The following PTCHD1 variants were observed in gnomAD, a reference collection of about 807,000 sequenced individuals.
The protein encoded by PTCHD1 is patched domain-containing protein 1.
PTCHD1 carries 3 observed loss-of-function variants against 34.6 expected under a neutral mutation model. The observed-to-expected ratio is 0.09, with a 90% CI of 0.04 to 0.22. The LOEUF is 0.22. Among genes scored for constraint, PTCHD1 ranks in the 10% least tolerant of loss-of-function variants. PTCHD1 has a pLI of 1.00. For synonymous variants in PTCHD1, 305 were observed against 283.1 expected, an observed-to-expected ratio of 1.08 and a Z score of -0.77; for missense variants, 504 against 685.5, an observed-to-expected ratio of 0.74 and a Z score of 2.96.
At chrX:23,347,251 G>C (rs1160799681) in intron 1 of PTCHD1, among the ~76,000 whole-genome samples, 1 of 112,194 alleles carries the variant, frequency 8.9e-6, no homozygotes, top group Admixed American at 9.4e-5. Flanking sequence ...AGAAATACTT[G>C]TGAAGGTCAC....
At chrX:23,391,626 A>G (rs1922830007) in intron 2 of PTCHD1, among the ~76,000 whole-genome samples, 1 of 111,169 alleles carries the variant, frequency 9.0e-6, no homozygotes, top group Admixed American at 9.6e-5. Context: ...CTTTATCACT[A>G]AAACCCTCTA....
chrX:23,342,300 ATATATATATATT>A (rs1921350617), intron 1 of PTCHD1, among the ~76,000 whole-genome samples: 1 of 14,785 alleles, frequency 6.8e-5, no homozygotes. Flanking sequence ...ATATATATAT[ATATATATATATT>A]TTTTTTTTTT....
intron 1 of PTCHD1, among the ~76,000 whole-genome samples, chrX:23,367,140 A>G (rs958982065): frequency 8.9e-6 from 1 of 112,356 alleles, no homozygotes; most frequent in Non-Finnish European, 1.9e-5. Context: ...AGATAAAGTT[A>G]TGTCTTAATG....
At chrX:23,365,315 A>C (rs950834649) in intron 1 of PTCHD1, among the ~76,000 whole-genome samples, 1 of 111,642 alleles carries the variant, frequency 9.0e-6, no homozygotes, top group African/African-American at 3.3e-5. Flanking sequence ...AATACAAGAC[A>C]TTGGGGAGTT....
intron 1 of PTCHD1, among the ~76,000 whole-genome samples, chrX:23,362,009 G>C (rs974043497): frequency 3.6e-5 from 4 of 112,419 alleles, no homozygotes; most frequent in Admixed American, 1.9e-4. Flanking sequence ...GAGTTTCTGC[G>C]GAGAGATCCG....
At position 23,380,033 on chromosome X, in the gene PTCHD1, G is replaced by C. The variant is rs1351228576; in HGVS notation, c.794G>C (p.Ser265Thr). ...CTGAGGGAAGATTTCCAGAAGACCA[G>C]CCGCGTATCAGAACGTTACCTGGTC... ...SSLREDFQKT[S>T]RVSERYLVTS... Residue 265 changes from serine to threonine, a missense_variant, in exon 2 of 3, where the codon AGC becomes ACC. Ser to Thr is a moderately conservative substitution (Grantham distance 58). Transcript: ENST00000379361. 2 of 1,211,750 alleles carry C rather than the reference G, an allele frequency of 1.7e-6. No homozygotes were observed. Among genetic ancestry groups the C allele is most frequent in the South Asian group, 3.5e-5 (2 of 56,987 alleles).
chrX:23,348,923 C>A (rs1921552625), intron 1 of PTCHD1, among the ~76,000 whole-genome samples: 1 of 111,904 alleles, frequency 8.9e-6, no homozygotes. Flanking sequence ...TGATCTGAGA[C>A]ATAACTTCAT....
At chrX:23,351,069 A>T in intron 1 of PTCHD1, 1 of 440,791 alleles carries the variant, frequency 2.3e-6, no homozygotes, top group African/African-American at 2.5e-5. Flanking sequence ...GACAACTCCT[A>T]TGATTTGTCA....
chrX:23,355,244 G>C (rs1403652420), intron 1 of PTCHD1, among the ~76,000 whole-genome samples: 1 of 111,463 alleles, frequency 9.0e-6, no homozygotes, highest in Non-Finnish European at 1.9e-5. Context: ...ATGACTGACA[G>C]ACTGTCTTTT....
intron 2 of PTCHD1, 113 bp from the exon 3 acceptor site, chrX:23,392,418 A>T: frequency 1.8e-6 from 1 of 544,384 alleles, no homozygotes; most frequent in South Asian, 2.4e-5. Flanking sequence ...ACCCGTCACC[A>T]CTAGGGTTGA....
rs965190891 is a variant in PTCHD1 at position 23,349,477 on chromosome X, C to A, written c.351+14251C>A. Among the ~76,000 whole-genome samples the A allele has an allele frequency of 3.6e-5, 4 of 111,586 alleles. No individual in the cohort carries two copies. In the Admixed American group the frequency reaches 3.8e-4, roughly 11 times the overall value. ...AAGTAAAGGGATGGGGAAAGATATGCCCTGCTAATTCTGCTAACCAAGAGA... is the reference window on the plus strand; with the variant it reads ...AAGTAAAGGGATGGGGAAAGATATGACCTGCTAATTCTGCTAACCAAGAGA... On this transcript the variant is annotated intron_variant, in intron 1 of 2. Transcript: ENST00000379361.
At chrX:23,360,850 C>G (rs970525877) in intron 1 of PTCHD1, among the ~76,000 whole-genome samples, 1 of 112,304 alleles carries the variant, frequency 8.9e-6, no homozygotes, top group African/African-American at 3.2e-5. Context: ...TTTGTTGTGT[C>G]TTTGTTCTCA....
chrX:23,371,405 C>G (rs1313531802), intron 1 of PTCHD1, among the ~76,000 whole-genome samples: 1 of 111,610 alleles, frequency 9.0e-6, no homozygotes, highest in East Asian at 2.8e-4. Flanking sequence ...CTGTGGGCAA[C>G]TGGAGTTTAA....
Position 23,399,056 on chromosome X carries a change from G to A in PTCHD1, c.*4871G>A, listed in dbSNP as rs963174665. 5 of 111,355 alleles carry A rather than the reference G, an allele frequency of 4.5e-5. No individual in the cohort carries two copies. The highest frequency in any genetic ancestry group is 1.6e-4 in the African/African-American group (5 of 30,553). 9.2% of individuals were successfully genotyped at this position (111,355 alleles called of 1,213,427 possible). A position where few individuals can be genotyped will look rare whatever the true frequency, so the allele number is the denominator to read the frequency against. On this transcript the variant is annotated 3_prime_UTR_variant, in exon 3 of 3. Transcript: ENST00000379361. ...AAAAAAAAGCGATGTGTACCAAGGA[G>A]AAAACCAGCAGAGAAAGCTTGGTGG...
At position 23,384,112 on chromosome X, in the gene PTCHD1, G is replaced by A. The variant is rs1922629379; in HGVS notation, c.1012+3861G>A. Among the ~76,000 whole-genome samples, 3 of 112,288 alleles carry A rather than the reference G, an allele frequency of 2.7e-5. No individual in the cohort carries two copies. The South Asian group carries it at 1.1e-3, about 41-fold the overall frequency. ...TAGATGATGTAGAAGGGAACCAAAA[G>A]AAAGTTTTCTCCCTTCTGCATCTGG... is the stretch of plus-strand genomic sequence containing the variant. On this transcript the variant is annotated intron_variant, in intron 2 of 2. Transcript: ENST00000379361.
In PTCHD1 at chrX:23,399,997, A is replaced by G. The variant is rs1182074173; in HGVS notation, c.*5812A>G. 1 of 112,178 alleles carries G rather than the reference A, an allele frequency of 8.9e-6. No homozygotes were observed. Among genetic ancestry groups the G allele is most frequent in the African/African-American group, 3.2e-5 (1 of 30,849 alleles). 9.2% of individuals were successfully genotyped at this position (112,178 alleles called of 1,213,427 possible). On this transcript the variant is annotated 3_prime_UTR_variant, in exon 3 of 3. Coordinates refer to ENST00000379361, the MANE Select transcript of PTCHD1 (RefSeq NM_173495.3). ...TATATACAGTGATATGCTGTTTACA[A>G]CTGCATACCACATCCTTAGAAGGCC...
At chrX:23,380,899 G>T (rs1248390007) in intron 2 of PTCHD1, among the ~76,000 whole-genome samples, 1 of 111,280 alleles carries the variant, frequency 9.0e-6, no homozygotes, top group Non-Finnish European at 1.9e-5. Context: ...AGGTGCTCCT[G>T]CAGCACACTC....
At chrX:23,359,025 G>C (rs977891692) in intron 1 of PTCHD1, among the ~76,000 whole-genome samples, 2 of 112,257 alleles carry the variant, frequency 1.8e-5, no homozygotes, top group African/African-American at 6.5e-5. Context: ...TTTGGTACCA[G>C]TACCATGCTG....
In PTCHD1 at chrX:23,335,070, C is replaced by G; in HGVS notation, c.195C>G (p.Ile65Met). ...LLAPQHSLAK[I>M]ERNLVNSLFP... The stretch of plus-strand genomic sequence containing the variant: ...CGCCCCAGCACAGCCTGGCCAAGAT[C>G]GAGCGCAACCTCGTTAACAGCCTCT... The change falls in exon 1 of 3, where the codon ATC becomes ATG. Residue 65 changes from isoleucine to methionine, a missense_variant. By Grantham distance (10) the Ile-to-Met change is conservative. Transcript: ENST00000379361. The G allele has an allele frequency of 8.3e-7, 1 of 1,211,118 alleles. No homozygotes were observed. Among genetic ancestry groups the G allele is most frequent in the Admixed American group, 2.2e-5 (1 of 46,100 alleles).
Sources: gnomAD v4.1 joint callset for allele counts (sites outside exome capture counted in the v4.1 genomes callset) on GRCh38, gnomAD v4.1.1 for gene constraint, MANE v1.5 for transcripts, NCBI Gene and HGNC (gene_info 2026-07-23, HGNC 2026-07-21) for gene names.